The following CFAP299 variants were observed in gnomAD, a reference collection of about 807,000 sequenced individuals.
The protein encoded by CFAP299 is cilia and flagella associated protein 299.
In CFAP299, 21 loss-of-function variants were observed where a neutral mutation model predicts 27.0. That is an observed-to-expected ratio of 0.78 (90% CI 0.55 to 1.12). The LOEUF is 1.12. Among genes scored for constraint, CFAP299 ranks in the 50% most tolerant of loss-of-function variants. The pLI is 0.00. For missense variants in CFAP299, 310 were observed against 276.6 expected (o/e 1.12, Z -0.86); for synonymous variants, 104 against 98.1 (o/e 1.06, Z -0.36).
chr4:80,407,978 A>G (rs953095990), intron 2 of CFAP299, among the ~76,000 whole-genome samples: 15 of 152,150 alleles, frequency 9.9e-5, no homozygotes, highest in African/African-American at 3.6e-4. Flanking sequence ...GTGTGCTGCT[A>G]TTGTTTATTT....
intron 2 of CFAP299, among the ~76,000 whole-genome samples, chr4:80,502,399 G>C (rs1560597284): frequency 6.6e-6 from 1 of 151,954 alleles, no homozygotes; most frequent in East Asian, 1.9e-4. Flanking sequence ...CTTGAGTTTT[G>C]CACCACATAC....
At chr4:80,590,251 T>G (rs750357444) in intron 3 of CFAP299, among the ~76,000 whole-genome samples, 2 of 152,216 alleles carry the variant, frequency 1.3e-5, no homozygotes, top group Non-Finnish European at 2.9e-5. Context: ...TGTCTCAGTT[T>G]CCTTATCTGT....
At chr4:80,737,031 G>A (rs1723938197) in intron 3 of CFAP299, among the ~76,000 whole-genome samples, 1 of 152,088 alleles carries the variant, frequency 6.6e-6, no homozygotes, top group African/African-American at 2.4e-5. Flanking sequence ...GATGAAATTG[G>A]AAATCGTCAT....
chr4:80,462,133 A>C (rs1450529356), intron 2 of CFAP299, among the ~76,000 whole-genome samples: 4 of 152,218 alleles, frequency 2.6e-5, no homozygotes. Flanking sequence ...ACAAATGGGC[A>C]TTCAAAACCA....
chr4:80,332,139 T>C (rs1015133910), upstream of CFAP299, among the ~76,000 whole-genome samples: 12 of 152,262 alleles, frequency 7.9e-5, no homozygotes, highest in African/African-American at 2.6e-4. Context: ...AGAAAAAATG[T>C]CTATTGGGCC....
chr4:80,388,244 G>A (rs528604925), intron 2 of CFAP299: 98 of 690,526 alleles, frequency 1.4e-4, no homozygotes, highest in Non-Finnish European at 1.4e-4. Context: ...CACAGGTCGC[G>A]GGCCCTAGGG....
At chr4:80,493,947 T>C (rs1731292647) in intron 2 of CFAP299, among the ~76,000 whole-genome samples, 1 of 151,518 alleles carries the variant, frequency 6.6e-6, no homozygotes, top group South Asian at 2.1e-4. Context: ...GGCTAATTTT[T>C]TGTATTTTTA....
intron 1 of CFAP299, among the ~76,000 whole-genome samples, chr4:80,338,895 A>T (rs1240849684): frequency 2.0e-5 from 3 of 152,246 alleles, no homozygotes; most frequent in African/African-American, 7.2e-5. Flanking sequence ...AGTTAGTACC[A>T]ATGATTGACA....
chr4:80,819,500 C>T (rs1347129701), intron 3 of CFAP299, among the ~76,000 whole-genome samples: 2 of 151,782 alleles, frequency 1.3e-5, no homozygotes, highest in Admixed American at 6.6e-5. Flanking sequence ...GTCAAATAAG[C>T]CAGGTAAGTG....
intron 2 of CFAP299, among the ~76,000 whole-genome samples, chr4:80,485,930 C>A (rs887901816): frequency 6.6e-6 from 1 of 151,966 alleles, no homozygotes; most frequent in Non-Finnish European, 1.5e-5. Context: ...GTAATTTAAA[C>A]CTAGTCGCTA....
chr4:80,735,618 C>T (rs1410606772), intron 3 of CFAP299, among the ~76,000 whole-genome samples: 1 of 151,986 alleles, frequency 6.6e-6, no homozygotes, highest in African/African-American at 2.4e-5. Context: ...CCTTCTATAT[C>T]CAGTTTTTTA....
At chr4:80,432,537 T>TTTC (rs1727870989) in intron 2 of CFAP299, among the ~76,000 whole-genome samples, 1 of 147,026 alleles carries the variant, frequency 6.8e-6, no homozygotes, top group African/African-American at 2.5e-5. Flanking sequence ...CACTCTATTT[T>TTTC]TTTTTTTTTT....
chr4:80,603,567 G>A (rs1003842259), intron 3 of CFAP299, among the ~76,000 whole-genome samples: 11 of 152,110 alleles, frequency 7.2e-5, no homozygotes, highest in Non-Finnish European at 1.3e-4. Flanking sequence ...AGAATAATAT[G>A]TATATCCTTT....
chr4:80,444,147 A>G (rs1415180494), intron 2 of CFAP299, among the ~76,000 whole-genome samples: 3 of 152,234 alleles, frequency 2.0e-5, no homozygotes, highest in East Asian at 3.8e-4. Context: ...TCAAACTACC[A>G]TTGAGTTTCT....
At chr4:80,629,768 T>G (rs1739110886) in intron 3 of CFAP299, among the ~76,000 whole-genome samples, 1 of 151,248 alleles carries the variant, frequency 6.6e-6, no homozygotes, top group Admixed American at 6.6e-5. Context: ...TAGTCCCAGC[T>G]ACTTGGAAGG....
intron 1 of CFAP299, among the ~76,000 whole-genome samples, chr4:80,343,616 C>T (rs545548950): frequency 1.8e-4 from 27 of 151,766 alleles, no homozygotes; most frequent in Admixed American, 7.2e-4. Flanking sequence ...GGTGAAACCC[C>T]GTCTCTACTA....
chr4:80,863,616 C>T (rs1011151725), intron 3 of CFAP299, among the ~76,000 whole-genome samples: 14 of 151,992 alleles, frequency 9.2e-5, no homozygotes, highest in Admixed American at 5.9e-4. Flanking sequence ...ATTGCTTGTT[C>T]ATGTGGGGAT....
intron 3 of CFAP299, among the ~76,000 whole-genome samples, chr4:80,752,767 T>C (rs1360992757): frequency 1.3e-5 from 2 of 152,170 alleles, no homozygotes; most frequent in East Asian, 1.9e-4. Context: ...ATCTCCACTA[T>C]TGGCTTTTCA....
chr4:80,388,870 C>A (rs1256977142), intron 2 of CFAP299, among the ~76,000 whole-genome samples: 1 of 151,852 alleles, frequency 6.6e-6, no homozygotes. Context: ...TTAAATTATT[C>A]TTGTAAGGCA....
Sources: gnomAD v4.1 joint callset for allele counts (sites outside exome capture counted in the v4.1 genomes callset) on GRCh38, gnomAD v4.1.1 for gene constraint, MANE v1.5 for transcripts, NCBI Gene and HGNC (gene_info 2026-07-23, HGNC 2026-07-21) for gene names.